The following CFAP54 variants were observed in gnomAD, a reference collection of about 807,000 sequenced individuals.
CFAP54 encodes cilia and flagella associated protein 54.
CFAP54 carries 290 observed loss-of-function variants against 370.4 expected under a neutral mutation model. The ratio of observed to expected loss-of-function variants is 0.78; its 90% CI spans 0.71 to 0.86. The LOEUF is 0.86. CFAP54 is among the 40% of genes least tolerant of loss of function. The probability of loss-of-function intolerance (pLI) is 0.00; values close to 1 mark genes in which losing one functional copy is unlikely to be tolerated. For synonymous variants in CFAP54, 1,206 were observed against 1,236.5 expected (o/e 0.98, Z 0.52); for missense variants, 3,399 against 3,528.7 (o/e 0.96, Z 0.93).
At chr12:96,636,920 A>G (rs146203096) in intron 32 of CFAP54, among the ~76,000 whole-genome samples, 1 of 152,214 alleles carries the variant, frequency 6.6e-6, no homozygotes, top group African/African-American at 2.4e-5. Flanking sequence ...ACATGCCAAC[A>G]ATTTACCCCA....
At position 96,648,580 on chromosome 12, in the gene CFAP54, C is replaced by CTTTTTTTT. The variant is rs11303164; in HGVS notation, c.4690+583_4690+590dup. 1.1e-3 allele frequency among the ~76,000 whole-genome samples: 66 copies of CTTTTTTTT among 58,688 alleles called. 2 individuals are homozygous for CTTTTTTTT. The highest frequency in any genetic ancestry group is 1.7e-3 in the Non-Finnish European group (56 of 33,834). 38.5% of individuals were successfully genotyped at this position (58,688 alleles called of 152,430 possible). A position where few individuals can be genotyped will look rare whatever the true frequency, so the allele number is the denominator to read the frequency against. On this transcript the variant is annotated intron_variant, in intron 34 of 67. Coordinates refer to ENST00000524981, the MANE Select transcript of CFAP54 (RefSeq NM_001306084.2). ...TAGAGACATGCAGGTAAACAGGGTT[C>CTTTTTTTT]TTTTTTTTTTTTTTTTTTTTTTTTT...
chr12:96,747,081 G>A (rs1811452973), intron 55 of CFAP54, among the ~76,000 whole-genome samples: 2 of 152,108 alleles, frequency 1.3e-5, no homozygotes, highest in Admixed American at 1.3e-4. Context: ...GCTTCTTAAG[G>A]CAACAATTTT....
chr12:96,627,618 G>A (rs1366973232), intron 30 of CFAP54, among the ~76,000 whole-genome samples: 1 of 152,052 alleles, frequency 6.6e-6, no homozygotes, highest in Non-Finnish European at 1.5e-5. Flanking sequence ...CATATAGAAA[G>A]ATTTCTTCCT....
chr12:96,833,480 A>G (rs975230320), intron 66 of CFAP54, among the ~76,000 whole-genome samples: 1 of 151,088 alleles, frequency 6.6e-6, no homozygotes, highest in African/African-American at 2.4e-5. Context: ...ATACAGATAA[A>G]TTTGCCTAAT....
At chr12:96,677,008 T>C (rs1565939024) in intron 39 of CFAP54, among the ~76,000 whole-genome samples, 1 of 31,226 alleles carries the variant, frequency 3.2e-5, no homozygotes, top group East Asian at 2.6e-3. Flanking sequence ...ATTTCTTTTC[T>C]TTTCTTTTTT....
intron 5 of CFAP54, among the ~76,000 whole-genome samples, chr12:96,516,071 A>G (rs1955230978): frequency 6.6e-6 from 1 of 151,754 alleles, no homozygotes; most frequent in Non-Finnish European, 1.5e-5. Flanking sequence ...ACCCGCCCCA[A>G]TGCCTGGCTA....
chr12:96,519,431 T>A (rs141240629), intron 6 of CFAP54, among the ~76,000 whole-genome samples: 1 of 152,122 alleles, frequency 6.6e-6, no homozygotes, highest in South Asian at 2.1e-4. Flanking sequence ...ATCCAGCATT[T>A]TCTTCCTTAG....
At chr12:96,648,287 G>C (rs532223758) in intron 34 of CFAP54, among the ~76,000 whole-genome samples, 7 of 152,256 alleles carry the variant, frequency 4.6e-5, no homozygotes, top group African/African-American at 1.4e-4. Context: ...CAAATATAAT[G>C]TTTTAAATTT....
chr12:96,592,981 C>T (rs1956141971), intron 24 of CFAP54, among the ~76,000 whole-genome samples: 2 of 152,118 alleles, frequency 1.3e-5, no homozygotes, highest in Non-Finnish European at 2.9e-5. Flanking sequence ...AATTTAAGAA[C>T]ATATGCCTAG....
intron 48 of CFAP54, among the ~76,000 whole-genome samples, chr12:96,714,167 T>TAA (rs1314361179): frequency 1.3e-5 from 2 of 152,208 alleles, no homozygotes; most frequent in Non-Finnish European, 2.9e-5. Flanking sequence ...AGTTAGAACT[T>TAA]ACGTTGGCTT....
At chr12:96,527,523 C>A (rs1592832953) in intron 9 of CFAP54, 79 bp downstream of exon 9, 2 of 813,338 alleles carry the variant, frequency 2.5e-6, no homozygotes, top group African/African-American at 1.8e-5. Context: ...GTAGTCCATA[C>A]ATAGGAAACT....
intron 66 of CFAP54, among the ~76,000 whole-genome samples, chr12:96,830,471 G>A (rs1028195442): frequency 6.6e-6 from 1 of 152,040 alleles, no homozygotes; most frequent in Non-Finnish European, 1.5e-5. Context: ...ATGATGTTGA[G>A]CATCTTTTCA....
In CFAP54 at chr12:96,604,557, C is replaced by T. The variant is rs143764502; in HGVS notation, c.3639+5790C>T. Reference sequence around the variant, plus strand: ...TGCCTTTTATTCAGATATGCCCTGCCCCTAGAGGTGGAATCTAGAGAGGCA... The same window carrying T: ...TGCCTTTTATTCAGATATGCCCTGCTCCTAGAGGTGGAATCTAGAGAGGCA... On this transcript the variant is annotated intron_variant, in intron 26 of 67. Coordinates refer to ENST00000524981, the MANE Select transcript of CFAP54 (RefSeq NM_001306084.2). 9.5e-3 allele frequency among the ~76,000 whole-genome samples: 1,447 copies of T among 152,326 alleles called. 56 individuals carry two copies. In the East Asian group the frequency reaches 0.099, roughly 10 times the overall value.
chr12:96,547,258 T>C (rs927300490), intron 14 of CFAP54, among the ~76,000 whole-genome samples: 1 of 152,214 alleles, frequency 6.6e-6, no homozygotes, highest in Non-Finnish European at 1.5e-5. Flanking sequence ...TGATCTTCGC[T>C]CACTGCAACC....
intron 65 of CFAP54, among the ~76,000 whole-genome samples, chr12:96,825,608 A>C (rs1592788369): frequency 1.7e-5 from 2 of 120,346 alleles, no homozygotes; most frequent in Non-Finnish European, 3.1e-5. Flanking sequence ...TTTACATATT[A>C]TATATGATAT....
intron 57 of CFAP54, 146 bp downstream of exon 57, chr12:96,756,709 C>G: frequency 1.6e-6 from 1 of 635,660 alleles, no homozygotes; most frequent in African/African-American, 1.9e-5. Flanking sequence ...GCTTGTTGCT[C>G]TTTGTTCTGA....
intron 48 of CFAP54, among the ~76,000 whole-genome samples, chr12:96,710,081 C>T (rs1957594062): frequency 6.6e-6 from 1 of 152,152 alleles, no homozygotes; most frequent in Admixed American, 6.6e-5. Context: ...TGCATTCATA[C>T]TCATAAGAGA....
At chr12:96,499,793 A>G (rs2136346715) in intron 1 of CFAP54, among the ~76,000 whole-genome samples, 1 of 152,212 alleles carries the variant, frequency 6.6e-6, no homozygotes, top group Non-Finnish European at 1.5e-5. Context: ...TAAAAATACA[A>G]CAATCAGCCA....
At chr12:96,689,707 T>A (rs944535900) in intron 43 of CFAP54, among the ~76,000 whole-genome samples, 26 of 152,190 alleles carry the variant, frequency 1.7e-4, no homozygotes, top group African/African-American at 6.0e-4. Context: ...AGGAGAGGTA[T>A]GCTTACAGTT....
Sources: gnomAD v4.1 joint callset for allele counts (sites outside exome capture counted in the v4.1 genomes callset) on GRCh38, gnomAD v4.1.1 for gene constraint, MANE v1.5 for transcripts, NCBI Gene and HGNC (gene_info 2026-07-23, HGNC 2026-07-21) for gene names.